Variants in RABGEF1 observed in about 807,000 individuals in gnomAD.
RABGEF1 encodes RAB guanine nucleotide exchange factor 1.
Under a neutral mutation model 57.3 loss-of-function variants are expected in RABGEF1, and 26 were observed. The ratio of observed to expected loss-of-function variants is 0.45; its 90% CI spans 0.33 to 0.63. The LOEUF (loss-of-function observed/expected upper bound fraction) is 0.63. Ranked by LOEUF, RABGEF1 falls within the 20% of genes least tolerant of loss-of-function variation. The probability of loss-of-function intolerance (pLI) is 0.02; values close to 1 mark genes in which losing one functional copy is unlikely to be tolerated. For missense variants in RABGEF1, 464 were observed against 607.6 expected (o/e 0.76, Z 2.48); for synonymous variants, 185 against 210.7 (o/e 0.88, Z 1.06).
intron 1 of RABGEF1, among the ~76,000 whole-genome samples, chr7:66,743,043 C>G (rs1175855753): frequency 6.6e-6 from 1 of 152,172 alleles, no homozygotes; most frequent in Admixed American, 6.5e-5. Flanking sequence ...GGCGCGGTGG[C>G]TCACGCCTGT....
rs77952834 is a variant in RABGEF1, at chr7:66,708,287, T to C, written c.-872-3880T>C. Among the ~76,000 whole-genome samples, 19 of 151,936 alleles carry C rather than the reference T, an allele frequency of 1.3e-4. No individual in the cohort carries two copies. In the East Asian group the frequency reaches 2.3e-3, roughly 19 times the overall value. Reference sequence around the variant, plus strand: ...CCATGTAGTTTGGGTTTTTTTTTTTTCCTAATTTTTTCTTTTGAGACAGGG... The same window carrying C: ...CCATGTAGTTTGGGTTTTTTTTTTTCCCTAATTTTTTCTTTTGAGACAGGG... On this transcript the variant is annotated intron_variant and NMD_transcript_variant, in intron 1 of 9. Transcript: ENST00000607882.
chr7:66,759,684 G>A (rs1353885489), intron 1 of RABGEF1, among the ~76,000 whole-genome samples: 1 of 152,142 alleles, frequency 6.6e-6, no homozygotes, highest in Non-Finnish European at 1.5e-5. Context: ...AGTGGGAGCA[G>A]GAGCAAGAGA....
intron 1 of RABGEF1, among the ~76,000 whole-genome samples, chr7:66,695,963 C>CA (rs72236148): frequency 4.8e-4 from 68 of 142,462 alleles, no homozygotes; most frequent in African/African-American, 7.9e-4. Context: ...GAGACTGTCT[C>CA]AAAAAAAAAA....
rs965467019 is a variant in RABGEF1, at chr7:66,754,128, C to T, written c.-18+13336C>T. Among the ~76,000 whole-genome samples the T allele has an allele frequency of 5.0e-4, 74 of 146,678 alleles. 2 individuals carry two copies. Among genetic ancestry groups the T allele is most frequent in the African/African-American group, 1.7e-3 (68 of 40,298 alleles). On this transcript the variant is annotated intron_variant, in intron 1 of 8. Transcript: ENST00000284957. ...AGCGATTCTCCTGCCTCACCTCCCG[C>T]GTAGCTGGGACTACAGGCGCCCTCC...
At chr7:66,735,894 C>G (rs1797890906), upstream of RABGEF1, among the ~76,000 whole-genome samples, 1 of 152,148 alleles carries the variant, frequency 6.6e-6, no homozygotes, top group Non-Finnish European at 1.5e-5. Flanking sequence ...AATACAGAGG[C>G]CTGTAGTATC....
At chr7:66,729,797 C>G (rs1278175658) in intron 2 of RABGEF1, among the ~76,000 whole-genome samples, 1 of 152,250 alleles carries the variant, frequency 6.6e-6, no homozygotes, top group African/African-American at 2.4e-5. Flanking sequence ...GTTGCAGGTC[C>G]TGGCTGCCTT....
the RABGEF1 span, among the ~76,000 whole-genome samples, chr7:66,664,127 AAAAT>A: frequency 6.6e-6 from 1 of 151,930 alleles, no homozygotes; most frequent in African/African-American, 2.4e-5. Flanking sequence ...AGTTTTGAGT[AAAAT>A]AAGGAGTGAA....
chr7:66,670,432 GATTTTTTTTTT>G, the RABGEF1 span, among the ~76,000 whole-genome samples: 4 of 100,682 alleles, frequency 4.0e-5, no homozygotes, highest in Admixed American at 1.3e-4. Flanking sequence ...TGAATGAGAT[GATTTTTTTTTT>G]TTTTTTTTTT....
At chr7:66,677,558 C>T (rs755171586), upstream of RABGEF1, among the ~76,000 whole-genome samples, 5 of 151,476 alleles carry the variant, frequency 3.3e-5, no homozygotes, top group Non-Finnish European at 5.9e-5. Flanking sequence ...GTCAGGAGAT[C>T]GAGACCATCC....
In RABGEF1 at chr7:66,795,438, A is replaced by G. The variant is rs1014858869; in HGVS notation, c.514-73A>G. ...CCAGTACAAGGAATGGCTTTTGGAA[A>G]GTTCTTAGAATGTAGAGCTGTGCTT... On this transcript the variant is annotated intron_variant, in intron 4 of 8. Coordinates refer to ENST00000284957, the MANE Select transcript of RABGEF1 (RefSeq NM_014504.3). 5 of 1,312,564 alleles carry G rather than the reference A, an allele frequency of 3.8e-6. No individual in the cohort carries two copies. The African/African-American group carries it at 7.3e-5, about 19-fold the overall frequency. The allele number at this position is 1,312,564 out of a possible 1,614,324, so 81.3% of individuals were successfully genotyped here.
At chr7:66,721,946 G>A (rs1321338039) in intron 2 of RABGEF1, among the ~76,000 whole-genome samples, 1 of 152,064 alleles carries the variant, frequency 6.6e-6, no homozygotes, top group Non-Finnish European at 1.5e-5. Context: ...GAGGTCAGTA[G>A]TTCAAGACCA....
intron 2 of RABGEF1, among the ~76,000 whole-genome samples, chr7:66,734,033 G>C (rs533531884): frequency 6.6e-6 from 1 of 152,288 alleles, no homozygotes; most frequent in African/African-American, 2.4e-5. Context: ...AAACCTCCTA[G>C]AGGCAGTCAT....
At chr7:66,711,564 G>T (rs1794782556) in intron 1 of RABGEF1, among the ~76,000 whole-genome samples, 1 of 151,798 alleles carries the variant, frequency 6.6e-6, no homozygotes, top group Non-Finnish European at 1.5e-5. Flanking sequence ...CTGTATTTCT[G>T]TGGGTCTATT....
chr7:66,696,939 G>A (rs970170697), intron 1 of RABGEF1, among the ~76,000 whole-genome samples: 2 of 152,170 alleles, frequency 1.3e-5, no homozygotes, highest in East Asian at 3.9e-4. Context: ...AGAACAGCTG[G>A]CCATGGGGGA....
At chr7:66,761,813 G>GTAGGGA (rs1804443521) in intron 1 of RABGEF1, among the ~76,000 whole-genome samples, 1 of 152,200 alleles carries the variant, frequency 6.6e-6, no homozygotes, top group African/African-American at 2.4e-5. Flanking sequence ...CACTTTGGGA[G>GTAGGGA]TTTGAGGTAG....
At chr7:66,661,085 G>A in the RABGEF1 span, among the ~76,000 whole-genome samples, 4 of 151,962 alleles carry the variant, frequency 2.6e-5, no homozygotes, top group Non-Finnish European at 5.9e-5. Context: ...CAAGGCGGGT[G>A]GATCATGAGG....
chr7:66,729,042 C>T (rs981382457), intron 2 of RABGEF1, among the ~76,000 whole-genome samples: 1 of 151,892 alleles, frequency 6.6e-6, no homozygotes, highest in South Asian at 2.1e-4. Flanking sequence ...CCTCTGCCTC[C>T]TGGGTTCAAC....
At chr7:66,678,531 C>T (rs1789455591), upstream of RABGEF1, among the ~76,000 whole-genome samples, 1 of 133,124 alleles carries the variant, frequency 7.5e-6, no homozygotes, top group Non-Finnish European at 1.5e-5. Context: ...CGCCACTGCA[C>T]TCTAGCCTGG....
intron 1 of RABGEF1, among the ~76,000 whole-genome samples, chr7:66,744,153 A>G (rs1454475277): frequency 6.6e-6 from 1 of 151,062 alleles, no homozygotes; most frequent in African/African-American, 2.4e-5. Flanking sequence ...TGTGTGCCTC[A>G]GCCTTCTGAG....
Sources: allele counts gnomAD v4.1 joint callset (sites outside exome capture counted in the v4.1 genomes callset), GRCh38; gene constraint gnomAD v4.1.1; transcripts MANE v1.5; gene names NCBI Gene and HGNC (gene_info 2026-07-23, HGNC 2026-07-21).